MEGF11: variants seen among roughly 807,000 people sequenced by gnomAD.
The protein encoded by MEGF11 is multiple epidermal growth factor-like domains protein 11.
In MEGF11, 126 loss-of-function variants were observed where a neutral mutation model predicts 146.6. The ratio of observed to expected loss-of-function variants is 0.86; its 90% CI spans 0.74 to 1.00. MEGF11 has a LOEUF of 1.00. Among genes scored for constraint, MEGF11 ranks in the 50% least tolerant of loss-of-function variants. MEGF11 has a pLI of 0.00. For synonymous variants in MEGF11, 532 were observed against 583.4 expected (o/e 0.91, Z 1.27); for missense variants, 1,509 against 1,521.2 (o/e 0.99, Z 0.13).
intron 1 of MEGF11, among the ~76,000 whole-genome samples, chr15:66,253,187 C>T (rs2092400100): frequency 6.6e-6 from 1 of 152,146 alleles, no homozygotes; most frequent in African/African-American, 2.4e-5. Context: ...TGAGTGCAGC[C>T]GGCGCACCCG....
chr15:66,228,650 C>G (rs188869350), intron 1 of MEGF11, among the ~76,000 whole-genome samples: 1 of 152,328 alleles, frequency 6.6e-6, no homozygotes, highest in East Asian at 1.9e-4. Context: ...CTACCGCAAG[C>G]CAGCAGAGGG....
At chr15:65,922,076 C>T (rs1249430703) in intron 15 of MEGF11, 21 of 516,218 alleles carry the variant, frequency 4.1e-5, no homozygotes, top group Non-Finnish European at 7.0e-5. Flanking sequence ...GCATGCATGT[C>T]GGAATCAGAA....
intron 7 of MEGF11, chr15:65,971,005 A>C: frequency 2.6e-6 from 1 of 380,850 alleles, no homozygotes. Flanking sequence ...ACCGCTAAGT[A>C]CAAGGCAGTA....
intron 1 of MEGF11, among the ~76,000 whole-genome samples, chr15:66,142,531 T>G (rs1215333477): frequency 3.3e-5 from 5 of 152,234 alleles, no homozygotes; most frequent in Admixed American, 2.6e-4. Flanking sequence ...TGCATATATA[T>G]GTCTCAGTGA....
intron 10 of MEGF11, among the ~76,000 whole-genome samples, chr15:65,938,782 C>T (rs773704036): frequency 2.6e-5 from 4 of 152,264 alleles, no homozygotes; most frequent in Non-Finnish European, 5.9e-5. Flanking sequence ...AATCGCTCCT[C>T]TACCTTCCAC....
intron 1 of MEGF11, among the ~76,000 whole-genome samples, chr15:66,175,129 C>A (rs529445804): frequency 6.6e-6 from 1 of 152,252 alleles, no homozygotes. Context: ...TATATAAGAT[C>A]ACATTGTCTA....
chr15:66,144,964 T>G (rs1339279096), intron 1 of MEGF11, among the ~76,000 whole-genome samples: 4 of 152,170 alleles, frequency 2.6e-5, no homozygotes, highest in Non-Finnish European at 4.4e-5. Context: ...GTAAGCCCCA[T>G]TATACAGATT....
In MEGF11 at chr15:66,112,523, C is replaced by T. The variant is rs187863212; in HGVS notation, c.301+6563G>A. Reference sequence around the variant, plus strand: ...ACGAGGATCCAACATATTGGAGCTCCAACAGGAGAAATTAAGAGAATGGAA... The same window carrying T: ...ACGAGGATCCAACATATTGGAGCTCTAACAGGAGAAATTAAGAGAATGGAA... On this transcript the variant is annotated intron_variant, in intron 4 of 25. Coordinates refer to ENST00000395614, the MANE Select transcript of MEGF11 (RefSeq NM_001385028.1). Among the ~76,000 whole-genome samples the T allele has an allele frequency of 2.7e-3, 416 of 152,140 alleles. 1 individual carries two copies. The highest frequency in any genetic ancestry group is 9.6e-3 in the African/African-American group (400 of 41,494).
At chr15:65,953,785 G>T (rs1342810851) in intron 10 of MEGF11, among the ~76,000 whole-genome samples, 1 of 151,952 alleles carries the variant, frequency 6.6e-6, no homozygotes, top group East Asian at 1.9e-4. Flanking sequence ...ACCTGCTTCT[G>T]CCCCGTGTCC....
At chr15:65,934,462 G>C (rs994676830) in intron 10 of MEGF11, among the ~76,000 whole-genome samples, 1 of 152,126 alleles carries the variant, frequency 6.6e-6, no homozygotes, top group African/African-American at 2.4e-5. Context: ...TGTTGGTCAG[G>C]CTGGTCTCGA....
intron 1 of MEGF11, among the ~76,000 whole-genome samples, chr15:66,202,839 C>T (rs1327622154): frequency 6.6e-6 from 1 of 152,158 alleles, no homozygotes; most frequent in African/African-American, 2.4e-5. Flanking sequence ...CATTTGGCAC[C>T]GAGGCAGCAT....
chr15:65,912,848 C>G (rs1296213331), intron 20 of MEGF11, among the ~76,000 whole-genome samples: 1 of 152,164 alleles, frequency 6.6e-6, no homozygotes, highest in East Asian at 1.9e-4. Context: ...GAAGGCAACA[C>G]TTAGCAGGAA....
intron 5 of MEGF11, among the ~76,000 whole-genome samples, chr15:66,063,944 G>A (rs1037970870): frequency 2.0e-5 from 3 of 152,184 alleles, no homozygotes; most frequent in African/African-American, 7.2e-5. Flanking sequence ...TCACATTATA[G>A]GTTCAAGGTT....
chr15:65,950,960 C>T (rs2080382518), intron 10 of MEGF11, among the ~76,000 whole-genome samples: 1 of 152,212 alleles, frequency 6.6e-6, no homozygotes, highest in African/African-American at 2.4e-5. Context: ...CAGGAATGTT[C>T]CAGAAACTTC....
chr15:66,251,207 C>T (rs1278818724), intron 1 of MEGF11, among the ~76,000 whole-genome samples: 2 of 152,218 alleles, frequency 1.3e-5, no homozygotes, highest in Non-Finnish European at 2.9e-5. Context: ...CTTTGACCAG[C>T]CGCTTAACCA....
chr15:65,997,076 G>T (rs2082221057), intron 5 of MEGF11, among the ~76,000 whole-genome samples: 1 of 152,206 alleles, frequency 6.6e-6, no homozygotes, highest in African/African-American at 2.4e-5. Context: ...TGGTCCATTT[G>T]TCCCCAGGCA....
intron 5 of MEGF11, among the ~76,000 whole-genome samples, chr15:66,061,148 G>A (rs1043683185): frequency 6.6e-6 from 1 of 152,222 alleles, no homozygotes. Flanking sequence ...CGTGGTGACT[G>A]AAGGCTGTCA....
chr15:66,036,755 C>A (rs1475399205), intron 5 of MEGF11, among the ~76,000 whole-genome samples: 1 of 152,208 alleles, frequency 6.6e-6, no homozygotes, highest in Non-Finnish European at 1.5e-5. Context: ...TAAACATAAG[C>A]TGAATTCAGA....
In MEGF11 at chr15:66,172,077, C is replaced by T. The variant is rs1271816917; in HGVS notation, c.-8-43666G>A. On this transcript the variant is annotated intron_variant, in intron 1 of 25. Coordinates refer to ENST00000395614, the MANE Select transcript of MEGF11 (RefSeq NM_001385028.1). ...TGCACTAATCTATCATTACTTCACA[C>T]GGCTGGCAGAGTGACGGATGGTGGC... Among the ~76,000 whole-genome samples, 7 of 152,158 alleles carry T rather than the reference C, an allele frequency of 4.6e-5. No individual in the cohort carries two copies. The East Asian group carries it at 5.8e-4, about 13-fold the overall frequency.
Sources: allele counts gnomAD v4.1 joint callset (sites outside exome capture counted in the v4.1 genomes callset), GRCh38; gene constraint gnomAD v4.1.1; transcripts MANE v1.5; gene names NCBI Gene and HGNC (gene_info 2026-07-23, HGNC 2026-07-21).